The following ABCC3 variants were observed in gnomAD, a reference collection of about 807,000 sequenced individuals.
ABCC3 encodes the protein ATP-binding cassette sub-family C member 3.
Under a neutral mutation model 165.3 loss-of-function variants are expected in ABCC3, and 121 were observed. The observed-to-expected ratio is 0.73, with a 90% confidence interval of 0.63 to 0.85. The LOEUF (loss-of-function observed/expected upper bound fraction) is 0.85, where lower values mean the gene tolerates loss of function less well. Ranked by LOEUF, ABCC3 falls within the 40% of genes least tolerant of loss-of-function variation. ABCC3 has a pLI of 0.00. For missense variants in ABCC3, 1,869 were observed against 1,964.1 expected (o/e 0.95, Z 0.92); for synonymous variants, 733 against 810.1 (o/e 0.90, Z 1.62).
rs1462288357 is a variant in ABCC3, at chr17:50,664,044, C to A, written c.1271C>A (p.Ala424Asp). Residue 424 changes from alanine (A) to aspartate (D), a missense_variant, in exon 10 of 31, where the codon GCC becomes GAC. By Grantham distance (126) the Ala-to-Asp change is moderately radical. Coordinates refer to ENST00000285238, the MANE Select transcript of ABCC3 (RefSeq NM_003786.4). ...GATGCCCAGCGCTTCATGGACCTTG[C>A]CCCCTTCCTCAATCTGCTGTGGTCA... The part of the protein sequence containing the change: ...SVDAQRFMDL[A>D]PFLNLLWSAP... 35 of 1,614,068 alleles carry A rather than the reference C, an allele frequency of 2.2e-5. No homozygotes were observed. The highest frequency in any genetic ancestry group is 3.0e-5 in the Non-Finnish European group (35 of 1,180,040).
At chr17:50,672,782 G>A (rs938945164) in intron 17 of ABCC3, among the ~76,000 whole-genome samples, 189 bp from the exon 18 acceptor site, 8 of 151,798 alleles carry the variant, frequency 5.3e-5, no homozygotes, top group Non-Finnish European at 8.8e-5. Flanking sequence ...TGAGGCATGA[G>A]AATTGCTCAA....
Position 50,687,672 on chromosome 17 carries a change from G to T in ABCC3, c.4417G>T (p.Asp1473Tyr). The T allele has an allele frequency of 6.2e-7, 1 of 1,614,246 alleles. No homozygotes were observed. The highest frequency in any genetic ancestry group is 1.1e-5 in the South Asian group (1 of 91,088). The change falls in exon 30 of 31, where the codon GAT (aspartate) becomes TAT (tyrosine). Residue 1473 changes from aspartate to tyrosine, a missense_variant. Coordinates refer to ENST00000285238, the MANE Select transcript of ABCC3 (RefSeq NM_003786.4). The stretch of plus-strand genomic sequence containing the variant: ...CCAGGCTACCATCCGCACCCAGTTT[G>T]ATACCTGCACTGTCCTGACCATCGC... ...LIQATIRTQFDTCTVLTIAHR... is the reference protein window; with the variant it reads ...LIQATIRTQFYTCTVLTIAHR...
At chr17:50,666,377 A>C (rs1967528181) in intron 11 of ABCC3, among the ~76,000 whole-genome samples, 1 of 152,200 alleles carries the variant, frequency 6.6e-6, no homozygotes, top group Admixed American at 6.5e-5. Flanking sequence ...AGTCTGAGGC[A>C]GGAGAATCCC....
intron 17 of ABCC3, among the ~76,000 whole-genome samples, chr17:50,672,308 T>C (rs2146626217): frequency 6.6e-6 from 1 of 152,374 alleles, no homozygotes; most frequent in South Asian, 2.1e-4. Flanking sequence ...CTTAGCATAA[T>C]GTCCTCAAGG....
Position 50,659,314 on chromosome 17 carries a change from T to A in ABCC3, c.752T>A (p.Met251Lys). The A allele has an allele frequency of 6.2e-7, 1 of 1,613,306 alleles. No homozygotes were observed. Among genetic ancestry groups the A allele is most frequent in the East Asian group, 2.2e-5 (1 of 44,852 alleles). ...CTAAAGGAAGAGGACAGATCCCAGA[T>A]GGTGGTGCAGCAGCTGCTGGAGGCA... Reference protein sequence around the residue: ...WSLKEEDRSQMVVQQLLEAWR... With the variant: ...WSLKEEDRSQKVVQQLLEAWR... The change falls in exon 7 of 31, where the codon ATG (methionine) becomes AAG (lysine). Residue 251 changes from methionine (M) to lysine (K), a missense_variant. Transcript: ENST00000285238.
chr17:50,680,686 C>G (rs1967912624), intron 26 of ABCC3, among the ~76,000 whole-genome samples: 1 of 152,168 alleles, frequency 6.6e-6, no homozygotes, highest in Admixed American at 6.5e-5. Flanking sequence ...CTGCCTTGCC[C>G]TTCTCTTTCT....
intron 1 of ABCC3, among the ~76,000 whole-genome samples, chr17:50,637,963 G>A (rs996765093): frequency 6.6e-6 from 1 of 152,190 alleles, no homozygotes; most frequent in East Asian, 1.9e-4. Flanking sequence ...CATGCCCCTT[G>A]GGACATGTGT....
chr17:50,686,265 A>C (rs543221342), intron 29 of ABCC3, among the ~76,000 whole-genome samples: 1 of 152,236 alleles, frequency 6.6e-6, no homozygotes, highest in East Asian at 1.9e-4. Context: ...TTTCTCCTTT[A>C]ATCTTTACCA....
intron 19 of ABCC3, among the ~76,000 whole-genome samples, chr17:50,673,982 C>CTTTCTTTCCTTTCTTTCTTTCTT (rs1967727716): frequency 6.8e-5 from 1 of 14,682 alleles, no homozygotes; most frequent in African/African-American, 3.3e-4. Context: ...CTTTCTTTCT[C>CTTTCTTTCCTTTCTTTCTTTCTT]TCTCTCTCTC....
chr17:50,691,211 T>TG lies in ABCC3; in HGVS notation c.*12dup. On this transcript the variant is annotated 3_prime_UTR_variant, in exon 31 of 31. Coordinates refer to ENST00000285238, the MANE Select transcript of ABCC3 (RefSeq NM_003786.4). The stretch of plus-strand genomic sequence containing the variant: ...GCTGGACTTGCCTAAAATATATTCC[T>TG]GAGATTTCCTCCTGGCCTTTCCTGG... 6.3e-7 allele frequency: 1 copy of TG among 1,596,770 alleles called. No homozygotes were observed. Among genetic ancestry groups the TG allele is most frequent in the South Asian group, 1.1e-5 (1 of 90,678 alleles).
rs1282737884 is a variant in ABCC3, at chr17:50,679,850, A to T, written c.3758A>T (p.Asn1253Ile). The T allele has an allele frequency of 6.2e-7, 1 of 1,614,160 alleles. No individual in the cohort carries two copies. Among genetic ancestry groups the T allele is most frequent in the Admixed American group, 1.7e-5 (1 of 60,022 alleles). ...MIRMMSDLESNIVAVERVKEY... is the reference protein window; with the variant it reads ...MIRMMSDLESIIVAVERVKEY... Reference sequence around the variant, plus strand: ...CGAATGATGTCAGATTTGGAATCTAACATCGTGGCTGTGGAGAGGGTCAAG... The same window carrying T: ...CGAATGATGTCAGATTTGGAATCTATCATCGTGGCTGTGGAGAGGGTCAAG... The change falls in exon 26 of 31, where the codon AAC becomes ATC. Residue 1253 changes from asparagine to isoleucine, a missense_variant. By Grantham distance (149) the Asn-to-Ile change is moderately radical. Transcript: ENST00000285238.
chr17:50,660,027 T>C (rs1967341479), intron 7 of ABCC3, among the ~76,000 whole-genome samples: 1 of 151,988 alleles, frequency 6.6e-6, no homozygotes, highest in Admixed American at 6.6e-5. Context: ...GCACAGAAAT[T>C]TAACAGAGGG....
In ABCC3 at chr17:50,660,901, T is replaced by A. The variant is rs1207919046; in HGVS notation, c.807-22T>A. ...GCCCCTGTCCCCATTCCTAACCCAC[T>A]GCTCCTTCCTCCCTGGACCAGACAC... On this transcript the variant is annotated intron_variant, in intron 7 of 30. Transcript: ENST00000285238. The A allele has an allele frequency of 1.2e-5, 19 of 1,567,004 alleles. No individual in the cohort carries two copies. The South Asian group carries it at 2.2e-4, about 18-fold the overall frequency.
chr17:50,682,654 C>A (rs1967948852), intron 26 of ABCC3, among the ~76,000 whole-genome samples: 1 of 152,170 alleles, frequency 6.6e-6, no homozygotes, highest in Non-Finnish European at 1.5e-5. Flanking sequence ...GGAAGCCTTC[C>A]CTGACCACCC....
chr17:50,656,035 A>G (rs771470159), intron 2 of ABCC3, 27 bp downstream of exon 2: 21 of 1,603,688 alleles, frequency 1.3e-5, no homozygotes, highest in Non-Finnish European at 1.7e-5. Flanking sequence ...TCTCCTACCG[A>G]TGGGGCTGGG....
rs758505565 is a variant in ABCC3 at position 50,658,459 on chromosome 17, G to A, written c.637G>A (p.Gly213Ser). ...DPNPYPETSA[G>S]FLSRLFFWWF... ...GAACCCCTACCCTGAGACCAGCGCT[G>A]GCTTTCTCTCCCGCCTGTTTTTCTG... The change falls in exon 6 of 31, where the codon GGC becomes AGC. Residue 213 changes from glycine to serine, a missense_variant. Physicochemically the swap from Gly to Ser is moderately conservative, Grantham distance 56. Coordinates refer to ENST00000285238, the MANE Select transcript of ABCC3 (RefSeq NM_003786.4). The A allele has an allele frequency of 5.0e-6, 8 of 1,614,172 alleles. No homozygotes were observed. The highest frequency in any genetic ancestry group is 1.7e-5 in the Admixed American group (1 of 60,020).
chr17:50,682,941 C>A (rs1476311241), intron 26 of ABCC3, among the ~76,000 whole-genome samples: 1 of 152,098 alleles, frequency 6.6e-6, no homozygotes, highest in South Asian at 2.1e-4. Flanking sequence ...TGGCTCACAC[C>A]TGTATTCCCA....
At chr17:50,639,655 G>A (rs990812870) in intron 1 of ABCC3, among the ~76,000 whole-genome samples, 8 of 152,104 alleles carry the variant, frequency 5.3e-5, no homozygotes, top group African/African-American at 1.4e-4. Context: ...TCCCCTTCCC[G>A]AACTGAAGTT....
chr17:50,687,185 A>C (rs959814416), intron 29 of ABCC3: 1 of 255,550 alleles, frequency 3.9e-6, no homozygotes, highest in Non-Finnish European at 7.6e-6. Flanking sequence ...CCATGCAAGT[A>C]TGTTCTTACT....
Sources: gnomAD v4.1 joint callset for allele counts (sites outside exome capture counted in the v4.1 genomes callset) on GRCh38, gnomAD v4.1.1 for gene constraint, MANE v1.5 for transcripts, NCBI Gene and HGNC (gene_info 2026-07-23, HGNC 2026-07-21) for gene names.